The following CD164L2 variants were observed in gnomAD, a reference collection of about 807,000 sequenced individuals.
The protein encoded by CD164L2 is CD164 molecule like 2.
In CD164L2, 21 loss-of-function variants were observed where a neutral mutation model predicts 23.9. The ratio of observed to expected loss-of-function variants is 0.88; its 90% CI spans 0.62 to 1.27. CD164L2 has a LOEUF of 1.27. CD164L2 is among the 50% of genes most tolerant of loss of function. The pLI is 0.00. For missense variants in CD164L2, 230 were observed against 224.8 expected, an observed-to-expected ratio of 1.02 and a Z score of -0.15; for synonymous variants, 92 against 90.2, an observed-to-expected ratio of 1.02 and a Z score of -0.11.
At chr1:27,380,240 C>G (rs199994753) in intron 4 of CD164L2, 45 bp from the exon 5 acceptor site, 1 of 1,568,106 alleles carries the variant, frequency 6.4e-7, no homozygotes, top group East Asian at 2.2e-5. Context: ...TCACTGTGAA[C>G]CAGGATCCCA....
chr1:27,383,279 A>G lies in CD164L2; in HGVS notation c.-40T>C, dbSNP rs1056143426. 9.2e-6 allele frequency: 12 copies of G among 1,299,450 alleles called. No individual in the cohort carries two copies. The Admixed American group carries it at 2.2e-4, about 24-fold the overall frequency. The allele number at this position is 1,299,450 out of a possible 1,614,324, so 80.5% of individuals were successfully genotyped here. On this transcript the variant is annotated 5_prime_UTR_variant, in exon 1 of 6. Transcript: ENST00000374030. ...GGGGTGGCCGGGGGCGGTGGCCGGG[A>G]TCGGTGGACAGCTGCCGGGCGCGTC... is the stretch of plus-strand genomic sequence containing the variant.
Position 27,379,647 on chromosome 1 carries a change from G to A in CD164L2, c.519-138C>T, listed in dbSNP as rs190394548. ...GGCGACCCGCCCCACAGCACACACGGCACACAGAGGGCCTCAGGCACAGCT... is the reference window on the plus strand; with the variant it reads ...GGCGACCCGCCCCACAGCACACACGACACACAGAGGGCCTCAGGCACAGCT... On this transcript the variant is annotated intron_variant, in intron 5 of 5. Coordinates refer to ENST00000374030, the MANE Select transcript of CD164L2 (RefSeq NM_001330448.1). The A allele has an allele frequency of 5.9e-6, 9 of 1,525,962 alleles. No homozygotes were observed. The African/African-American group carries it at 1.1e-4, about 19-fold the overall frequency. The allele number at this position is 1,525,962 out of a possible 1,614,324, so 94.5% of individuals were successfully genotyped here.
At position 27,382,507 on chromosome 1, in the gene CD164L2, C is replaced by T; in HGVS notation, c.249G>A (p.Glu83=). ...SSCVWEQCRP[E]EPGHCVAQSE... ...GAGGGCTCAGCTCCATACCTGGCTC[C>T]TCTGGCCGGCACTGCTCCCACACGC... Residue 83 remains glutamate (E), a synonymous_variant, in exon 2 of 6, where the codon GAG becomes GAA. Coordinates refer to ENST00000374030, the MANE Select transcript of CD164L2 (RefSeq NM_001330448.1). 1 of 1,602,884 alleles carries T rather than the reference C, an allele frequency of 6.2e-7. No homozygotes were observed. The highest frequency in any genetic ancestry group is 1.1e-5 in the South Asian group (1 of 90,006).
intron 4 of CD164L2, 48 bp from the exon 5 acceptor site, chr1:27,380,243 G>C: frequency 1.3e-6 from 2 of 1,567,074 alleles, no homozygotes; most frequent in Non-Finnish European, 1.7e-6. Context: ...CTGTGAACCA[G>C]GATCCCAGTC....
Position 27,379,237 on chromosome 1 carries a change from C to A in CD164L2, c.*266G>T. On this transcript the variant is annotated 3_prime_UTR_variant, in exon 6 of 6. Coordinates refer to ENST00000374030, the MANE Select transcript of CD164L2 (RefSeq NM_001330448.1). ...AGGCCAGTTGGTGGAAAGAGGCAGG[C>A]ATACAACCCACTGTCAGGCTGGGGG... is the stretch of plus-strand genomic sequence containing the variant. The A allele has an allele frequency of 1.7e-6, 1 of 576,606 alleles. No homozygotes were observed. 35.7% of individuals were successfully genotyped at this position (576,606 alleles called of 1,614,324 possible). A position where few individuals can be genotyped will look rare whatever the true frequency, so the allele number is the denominator to read the frequency against.
Position 27,380,146 on chromosome 1 carries a change from G to C in CD164L2, c.423C>G (p.Ser141Arg), listed in dbSNP as rs144456933. 1 of 1,614,188 alleles carries C rather than the reference G, an allele frequency of 6.2e-7. No individual in the cohort carries two copies. The highest frequency in any genetic ancestry group is 2.2e-5 in the East Asian group (1 of 44,894). The part of the protein sequence containing the change: ...EAHSPGFDGA[S>R]FIGGVVLVLS... ...ACACCAGCACGACACCTCCGATAAA[G>C]CTGGCCCCGTCAAATCCAGGGCTGT... is the stretch of plus-strand genomic sequence containing the variant. Residue 141 changes from serine to arginine, a missense_variant, in exon 5 of 6, where the codon AGC becomes AGG. Ser to Arg is a moderately radical substitution (Grantham distance 110). Transcript: ENST00000374030.
In CD164L2 at chr1:27,379,506, G is replaced by T; in HGVS notation, c.522C>A (p.Ile174=). 1 of 1,550,408 alleles carries T rather than the reference G, an allele frequency of 6.4e-7. No homozygotes were observed. Among genetic ancestry groups the T allele is most frequent in the Non-Finnish European group, 8.7e-7 (1 of 1,146,906 alleles). The change falls in exon 6 of 6, where the codon ATC becomes ATA. Residue 174 remains isoleucine, a synonymous_variant. Transcript: ENST00000374030. ...ATGGAGTCCAGGCCCAAAGGGGTCAGATTCTGCAGAGGCCAAAGAGGACAC... is the reference window on the plus strand; with the variant it reads ...ATGGAGTCCAGGCCCAAAGGGGTCATATTCTGCAGAGGCCAAAGAGGACAC... The part of the protein sequence containing the change: ...KAKDSTYQTL[I]
chr1:27,382,164 CAG>C (rs1411765466), intron 3 of CD164L2, 162 bp downstream of exon 3: 1 of 1,555,252 alleles, frequency 6.4e-7, no homozygotes, highest in Non-Finnish European at 8.7e-7. Context: ...AGGAAATAGG[CAG>C]AGAGAGGAGG....
Position 27,381,801 on chromosome 1 carries a change from C to T in CD164L2, c.352G>A (p.Glu118Lys). The change falls in exon 4 of 6, where the codon GAA (glutamate) becomes AAA (lysine). Residue 118 changes from glutamate (E) to lysine (K), a missense_variant. Glu to Lys is a moderately conservative substitution (Grantham distance 56). Coordinates refer to ENST00000374030, the MANE Select transcript of CD164L2 (RefSeq NM_001330448.1). The stretch of plus-strand genomic sequence containing the variant: ...TCACCTGTTGTGACTGTCTTCGGTT[C>T]ATAGGTGGGGTGGTGGTGAGCAGCT... ...CPAAHHHPTY[E>K]PKTVTTGSPP... is the part of the protein sequence containing the mutation. 1 of 1,614,040 alleles carries T rather than the reference C, an allele frequency of 6.2e-7. No individual in the cohort carries two copies. The highest frequency in any genetic ancestry group is 8.5e-7 in the Non-Finnish European group (1 of 1,179,934).
chr1:27,382,612 C>T lies in CD164L2; in HGVS notation c.144G>A (p.Pro48=), dbSNP rs202160926. 49 of 1,613,034 alleles carry T rather than the reference C, an allele frequency of 3.0e-5. No individual in the cohort carries two copies. In the South Asian group the frequency reaches 4.3e-4, roughly 14 times the overall value. ...GCTGTTTGCAGGCCCCTTGGACCGC[C>T]GGCCAGATATTCAGGCGGATCAGGG... ...RGALIRLNIW[P]AVQGACKQLE... The change falls in exon 2 of 6, where the codon CCG becomes CCA. Residue 48 remains proline, a synonymous_variant. Transcript: ENST00000374030.
At position 27,379,677 on chromosome 1, in the gene CD164L2, T is replaced by C. The variant is rs868287188; in HGVS notation, c.519-168A>G. 5 of 1,490,170 alleles carry C rather than the reference T, an allele frequency of 3.4e-6. No individual in the cohort carries two copies. In the African/African-American group the frequency reaches 5.6e-5, roughly 17 times the overall value. 92.3% of individuals were successfully genotyped at this position (1,490,170 alleles called of 1,614,324 possible). A position where few individuals can be genotyped will look rare whatever the true frequency, so the allele number is the denominator to read the frequency against. On this transcript the variant is annotated intron_variant, in intron 5 of 5. Transcript: ENST00000374030. Reference sequence around the variant, plus strand: ...CAGAGGGCCTCAGGCACAGCTCCCCTTCTCAGAGCAAAACCCAACTAGACA... The same window carrying C: ...CAGAGGGCCTCAGGCACAGCTCCCCCTCTCAGAGCAAAACCCAACTAGACA...
chr1:27,382,858 C>T (rs756992501), intron 1 of CD164L2, among the ~76,000 whole-genome samples, 191 bp from the exon 2 acceptor site: 31 of 151,968 alleles, frequency 2.0e-4, no homozygotes. Context: ...ACACCTAGAG[C>T]CTCCCCACAT....
chr1:27,380,032 C>T lies in CD164L2; in HGVS notation c.518+19G>A. On this transcript the variant is annotated intron_variant, in intron 5 of 5. Transcript: ENST00000374030. ...AGGTAAGCTGGGACTCAGGTACTTG[C>T]TGCTGGCCAGGTACTCACAGCGTCT... The T allele has an allele frequency of 6.2e-7, 1 of 1,611,880 alleles. No individual in the cohort carries two copies.
Position 27,382,574 on chromosome 1 carries a change from T to C in CD164L2, c.182A>G (p.Glu61Gly). ...QGACKQLEVCEHCVEGDGARN... is the reference protein window; with the variant it reads ...QGACKQLEVCGHCVEGDGARN... ...CGCTCCGTCTCCCTCCACGCAGTGC[T>C]CACAGACCTCCAGCTGTTTGCAGGC... The change falls in exon 2 of 6, where the codon GAG becomes GGG. Residue 61 changes from glutamate (E) to glycine (G), a missense_variant. Physicochemically the swap from Glu to Gly is moderately conservative, Grantham distance 98. Coordinates refer to ENST00000374030, the MANE Select transcript of CD164L2 (RefSeq NM_001330448.1). The C allele has an allele frequency of 3.7e-6, 6 of 1,613,628 alleles. No homozygotes were observed. Among genetic ancestry groups the C allele is most frequent in the Non-Finnish European group, 5.1e-6 (6 of 1,179,938 alleles).
Position 27,379,434 on chromosome 1 carries a change from A to G in CD164L2, c.*69T>C. 1.3e-6 allele frequency: 1 copy of G among 778,928 alleles called. No individual in the cohort carries two copies. The highest frequency in any genetic ancestry group is 1.9e-6 in the Non-Finnish European group (1 of 513,408). The allele number at this position is 778,928 out of a possible 1,614,324, so 48.3% of individuals were successfully genotyped here. ...TCCCGCCCCCGCCCCCCGCTTACCC[A>G]CAAGGGTGCCCAGAGGCCACCCTCT... is the stretch of plus-strand genomic sequence containing the variant. On this transcript the variant is annotated 3_prime_UTR_variant, in exon 6 of 6. Coordinates refer to ENST00000374030, the MANE Select transcript of CD164L2 (RefSeq NM_001330448.1).
At chr1:27,379,581 G>A in intron 5 of CD164L2, 72 bp from the exon 6 acceptor site, 2 of 1,550,532 alleles carry the variant, frequency 1.3e-6, no homozygotes, top group South Asian at 1.2e-5. Flanking sequence ...TGCCTCGAGA[G>A]GAGGCAGCAG....
In CD164L2 at chr1:27,381,867, C is replaced by G. The variant is rs201029112; in HGVS notation, c.329-43G>C. 37 of 1,612,176 alleles carry G rather than the reference C, an allele frequency of 2.3e-5. No individual in the cohort carries two copies. The Admixed American group carries it at 2.8e-4, about 12-fold the overall frequency. ...CCATAGCAAAGCAGCCTTCCCACCCCCTGACTCCCATCAAGACCCCAGCCC... is the reference window on the plus strand; with the variant it reads ...CCATAGCAAAGCAGCCTTCCCACCCGCTGACTCCCATCAAGACCCCAGCCC... On this transcript the variant is annotated intron_variant, in intron 3 of 5. Transcript: ENST00000374030.
chr1:27,379,614 C>T (rs2148076312), intron 5 of CD164L2, 105 bp from the exon 6 acceptor site: 12 of 1,545,968 alleles, frequency 7.8e-6, no homozygotes, highest in African/African-American at 2.7e-5. Context: ...CACTTTAACA[C>T]AGGCTGTGGC....
At position 27,379,448 on chromosome 1, in the gene CD164L2, A is replaced by AG; in HGVS notation, c.*54dup. The AG allele has an allele frequency of 7.6e-7, 1 of 1,323,380 alleles. No homozygotes were observed. Among genetic ancestry groups the AG allele is most frequent in the Admixed American group, 2.0e-5 (1 of 49,628 alleles). The allele number at this position is 1,323,380 out of a possible 1,614,324, so 82.0% of individuals were successfully genotyped here. A position where few individuals can be genotyped will look rare whatever the true frequency, so the allele number is the denominator to read the frequency against. ...CCCGCTTACCCACAAGGGTGCCCAG[A>AG]GGCCACCCTCTGCATCCTCCTTTCC... On this transcript the variant is annotated 3_prime_UTR_variant, in exon 6 of 6. Coordinates refer to ENST00000374030, the MANE Select transcript of CD164L2 (RefSeq NM_001330448.1).
Sources: gnomAD v4.1 joint callset for allele counts (sites outside exome capture counted in the v4.1 genomes callset) on GRCh38, gnomAD v4.1.1 for gene constraint, MANE v1.5 for transcripts, NCBI Gene and HGNC (gene_info 2026-07-23, HGNC 2026-07-21) for gene names.